AKAP7: variants seen among roughly 807,000 people sequenced by gnomAD.
The protein encoded by AKAP7 is A kinase (PRKA) anchor protein 7.
In AKAP7, 39 loss-of-function variants were observed where a neutral mutation model predicts 39.5. That is an observed-to-expected ratio of 0.99 (90% CI 0.76 to 1.29). AKAP7 has a LOEUF of 1.29. AKAP7 is among the 50% of genes most tolerant of loss of function. The pLI is 0.00. For missense variants in AKAP7, 414 were observed against 407.7 expected, an observed-to-expected ratio of 1.02 and a Z score of -0.13; for synonymous variants, 140 against 139.1, an observed-to-expected ratio of 1.01 and a Z score of -0.05.
At chr6:131,147,460 C>T (rs772828733) in intron 2 of AKAP7, among the ~76,000 whole-genome samples, 58 of 152,256 alleles carry the variant, frequency 3.8e-4, no homozygotes, top group Non-Finnish European at 6.9e-4. Context: ...ACAACTGCCC[C>T]GTAGAGCAGA....
chr6:131,148,407 G>A (rs1206781497), intron 2 of AKAP7, among the ~76,000 whole-genome samples: 1 of 151,956 alleles, frequency 6.6e-6, no homozygotes, highest in Non-Finnish European at 1.5e-5. Flanking sequence ...GAAAACTTGT[G>A]TTTTACGTTT....
chr6:131,215,340 G>A (rs1809053784), intron 6 of AKAP7, among the ~76,000 whole-genome samples: 1 of 152,230 alleles, frequency 6.6e-6, no homozygotes, highest in Admixed American at 6.5e-5. Context: ...AAGGCCGCAA[G>A]GCCGTTCTCA....
chr6:131,156,342 A>G (rs1163166712), intron 2 of AKAP7, among the ~76,000 whole-genome samples: 1 of 152,182 alleles, frequency 6.6e-6, no homozygotes, highest in East Asian at 1.9e-4. Flanking sequence ...TATTTAATTT[A>G]AAAAACTGTT....
chr6:131,132,473 C>G (rs1208326103), upstream of AKAP7, among the ~76,000 whole-genome samples: 1 of 151,990 alleles, frequency 6.6e-6, no homozygotes, highest in Middle Eastern at 3.2e-3. Context: ...TATGTTCTGC[C>G]CATTCCTCCC....
chr6:131,170,953 C>T (rs1360459428), intron 5 of AKAP7, among the ~76,000 whole-genome samples: 2 of 152,184 alleles, frequency 1.3e-5, no homozygotes, highest in Non-Finnish European at 2.9e-5. Flanking sequence ...TACATAACAG[C>T]ATTTCAATTG....
At chr6:131,182,609 A>C (rs891804165) in intron 5 of AKAP7, among the ~76,000 whole-genome samples, 16 of 152,202 alleles carry the variant, frequency 1.1e-4, no homozygotes, top group Admixed American at 1.0e-3. Flanking sequence ...ATGAACATGG[A>C]TGTATAAATA....
At chr6:131,244,513 A>C (rs1035012780) in intron 7 of AKAP7, among the ~76,000 whole-genome samples, 33 of 152,336 alleles carry the variant, frequency 2.2e-4, no homozygotes, top group African/African-American at 7.9e-4. Context: ...TCAGTGCTCT[A>C]CTGCTGTGTG....
intron 2 of AKAP7, 90 bp from the exon 3 acceptor site, chr6:131,159,969 A>G: frequency 8.5e-7 from 1 of 1,176,244 alleles, no homozygotes; most frequent in Non-Finnish European, 1.2e-6. Context: ...CTGATGAATG[A>G]TTGCTACTTA....
intron 1 of AKAP7, among the ~76,000 whole-genome samples, chr6:131,140,830 A>G (rs925771232): frequency 6.6e-6 from 1 of 152,178 alleles, no homozygotes; most frequent in Non-Finnish European, 1.5e-5. Flanking sequence ...TTCATCTATG[A>G]AAACTTTTAT....
chr6:131,128,042 G>T, the AKAP7 span, among the ~76,000 whole-genome samples: 1 of 152,166 alleles, frequency 6.6e-6, no homozygotes, highest in Non-Finnish European at 1.5e-5. Context: ...GAGGGTGGAC[G>T]CAGGGAGAGG....
chr6:131,221,948 G>T (rs1809735152), intron 7 of AKAP7, among the ~76,000 whole-genome samples: 1 of 152,194 alleles, frequency 6.6e-6, no homozygotes, highest in Admixed American at 6.5e-5. Flanking sequence ...ATGGATCAAG[G>T]AGTAATTTAG....
At chr6:131,145,849 G>A (rs868231691) in intron 2 of AKAP7, among the ~76,000 whole-genome samples, 4 of 152,114 alleles carry the variant, frequency 2.6e-5, no homozygotes, top group East Asian at 1.9e-4. Context: ...TGATCGTGCC[G>A]CGCCAAGTCT....
intron 7 of AKAP7, among the ~76,000 whole-genome samples, chr6:131,255,052 A>G (rs575235293): frequency 2.0e-5 from 3 of 152,252 alleles, no homozygotes; most frequent in Middle Eastern, 6.8e-3. Flanking sequence ...CTATATTTAG[A>G]TTTTCCAATT....
At chr6:131,241,627 G>GTGTGTGTGTGTGTGTATATATA in intron 7 of AKAP7, among the ~76,000 whole-genome samples, 1 of 86,638 alleles carries the variant, frequency 1.2e-5, no homozygotes, top group Non-Finnish European at 2.3e-5. Flanking sequence ...GTGTGTGTGT[G>GTGTGTGTGTGTGTGTATATATA]TATATATATA....
At chr6:131,232,917 TATAATA>T (rs1304160714) in intron 7 of AKAP7, among the ~76,000 whole-genome samples, 3 of 150,058 alleles carry the variant, frequency 2.0e-5, no homozygotes, top group Admixed American at 1.3e-4. Flanking sequence ...TATTATTATT[TATAATA>T]ATAATATTTA....
intron 7 of AKAP7, among the ~76,000 whole-genome samples, chr6:131,226,970 G>C (rs746283044): frequency 6.6e-6 from 1 of 152,176 alleles, no homozygotes; most frequent in Non-Finnish European, 1.5e-5. Flanking sequence ...CCTTAAGAGT[G>C]ATACAGAAGC....
chr6:131,204,037 A>C (rs931455169), intron 6 of AKAP7, among the ~76,000 whole-genome samples: 3 of 152,190 alleles, frequency 2.0e-5, no homozygotes, highest in Admixed American at 6.5e-5. Flanking sequence ...GTATGAGAAG[A>C]ACATTTGTTA....
At position 131,191,244 on chromosome 6, in the gene AKAP7, A is replaced by C. The variant is rs944668436; in HGVS notation, c.590-8217A>C. Among the ~76,000 whole-genome samples, 8 of 152,214 alleles carry C rather than the reference A, an allele frequency of 5.3e-5. 1 individual carries two copies. The highest frequency in any genetic ancestry group is 1.9e-4 in the African/African-American group (8 of 41,472). ...ACTGTTTTTGACCCATAAAAGTGAC[A>C]GTTTTGTATGATTCAGCCTAATATT... On this transcript the variant is annotated intron_variant, in intron 5 of 7. Coordinates refer to ENST00000431975, the MANE Select transcript of AKAP7 (RefSeq NM_016377.4).
chr6:131,168,330 T>C (rs1264929085), intron 4 of AKAP7, among the ~76,000 whole-genome samples: 6 of 151,988 alleles, frequency 3.9e-5, no homozygotes, highest in African/African-American at 1.5e-4. Context: ...GAGGATCACC[T>C]GAGCCCAGGA....
Sources: allele counts gnomAD v4.1 joint callset (sites outside exome capture counted in the v4.1 genomes callset), GRCh38; gene constraint gnomAD v4.1.1; transcripts MANE v1.5; gene names NCBI Gene and HGNC (gene_info 2026-07-23, HGNC 2026-07-21).